The following DMD variants were observed in gnomAD, a reference collection of about 807,000 sequenced individuals.
The protein encoded by DMD is dystrophin.
In DMD, 63 loss-of-function variants were observed where a neutral mutation model predicts 330.1. The ratio of observed to expected loss-of-function variants is 0.19; its 90% CI spans 0.16 to 0.24. The LOEUF is 0.24. DMD is among the 10% of genes least tolerant of loss of function. The pLI, the probability that DMD is intolerant of heterozygous loss-of-function variation, is 1.00. For synonymous variants in DMD, 1,223 were observed against 959.8 expected (o/e 1.27, Z -5.07); for missense variants, 3,344 against 2,684.1 (o/e 1.25, Z -5.43).
At chrX:33,033,649 C>T (rs183132599) in intron 1 of DMD, among the ~76,000 whole-genome samples, 76 of 108,755 alleles carry the variant, frequency 7.0e-4, no homozygotes, top group African/African-American at 2.4e-3. Context: ...ACCCGGGAGG[C>T]GGAGCTTGCA....
chrX:31,783,225 T>C (rs2091115708), intron 50 of DMD, among the ~76,000 whole-genome samples: 1 of 111,803 alleles, frequency 8.9e-6, no homozygotes, highest in Non-Finnish European at 1.9e-5. Context: ...TTAAATAATT[T>C]ATTCTGATTT....
chrX:32,887,754 A>AAAAAG, intron 2 of DMD, among the ~76,000 whole-genome samples: 1 of 94,083 alleles, frequency 1.1e-5, no homozygotes, highest in African/African-American at 4.2e-5. Context: ...TCAAAAAAAA[A>AAAAAG]AAAAAAAAAA....
chrX:32,707,804 C>A (rs747655598), intron 7 of DMD, among the ~76,000 whole-genome samples: 1 of 112,019 alleles, frequency 8.9e-6, no homozygotes, highest in East Asian at 2.8e-4. Context: ...GCATGGGAGA[C>A]TACAGATAGA....
At chrX:33,179,613 G>C (rs1603392079) in intron 1 of DMD, among the ~76,000 whole-genome samples, 2 of 107,418 alleles carry the variant, frequency 1.9e-5, no homozygotes, top group African/African-American at 6.8e-5. Flanking sequence ...AGAATGGCGT[G>C]AACCTGGGAG....
intron 67 of DMD, among the ~76,000 whole-genome samples, chrX:31,196,891 C>T (rs1376474348): frequency 3.0e-5 from 3 of 99,389 alleles, no homozygotes; most frequent in Non-Finnish European, 6.0e-5. Context: ...CCGGGGAATG[C>T]TGTCTAACCA....
chrX:31,421,898 TATACACACAC>T (rs1373549586), intron 60 of DMD, among the ~76,000 whole-genome samples: 7 of 79,525 alleles, frequency 8.8e-5, no homozygotes, highest in African/African-American at 4.7e-4. Context: ...TATATATATA[TATACACACAC>T]ACACACATAT....
At chrX:33,276,869 C>T (rs777370545) in intron 1 of DMD, among the ~76,000 whole-genome samples, 10 of 111,870 alleles carry the variant, frequency 8.9e-5, no homozygotes, top group East Asian at 2.8e-4. Flanking sequence ...GCACCCTTCA[C>T]GGAGGCTCAC....
chrX:31,919,446 G>C (rs1314934626), intron 47 of DMD, among the ~76,000 whole-genome samples: 2 of 112,168 alleles, frequency 1.8e-5, no homozygotes, highest in African/African-American at 6.5e-5. Context: ...ATCAGTCACA[G>C]GTTGCCTGCA....
At chrX:31,144,237 A>C (rs2036418997) in intron 76 of DMD, among the ~76,000 whole-genome samples, 1 of 111,342 alleles carries the variant, frequency 9.0e-6, no homozygotes, top group Admixed American at 9.6e-5. Flanking sequence ...TCATCTCCTC[A>C]GAGCCCTCGT....
intron 44 of DMD, among the ~76,000 whole-genome samples, chrX:31,989,427 C>T (rs1424320526): frequency 9.0e-6 from 1 of 111,672 alleles, no homozygotes; most frequent in Non-Finnish European, 1.9e-5. Context: ...GCAAAATGTT[C>T]TTAAAGCAAA....
intron 1 of DMD, among the ~76,000 whole-genome samples, chrX:33,228,417 C>T (rs1016601982): frequency 1.0e-4 from 11 of 108,296 alleles, no homozygotes; most frequent in African/African-American, 3.7e-4. Flanking sequence ...TGAGGTAATA[C>T]CTTCAGGAAC....
intron 44 of DMD, among the ~76,000 whole-genome samples, chrX:32,020,673 C>T (rs1426014901): frequency 1.8e-5 from 2 of 112,129 alleles, no homozygotes; most frequent in Non-Finnish European, 3.8e-5. Context: ...TAATCTTAGA[C>T]GTTCAACTTC....
intron 62 of DMD, among the ~76,000 whole-genome samples, chrX:31,313,944 C>G (rs1601799137): frequency 1.8e-5 from 2 of 110,621 alleles, no homozygotes; most frequent in Admixed American, 1.9e-4. Context: ...AGGGATTCCC[C>G]TGCCCCAGCC....
chrX:31,278,002 T>C (rs1364141962), intron 62 of DMD, among the ~76,000 whole-genome samples: 2 of 73,794 alleles, frequency 2.7e-5, no homozygotes, highest in African/African-American at 5.5e-5. Context: ...GTATCTAAAA[T>C]AGAAGTTGAA....
chrX:33,328,918 TA>T (rs1569134666), intron 1 of DMD, among the ~76,000 whole-genome samples: 1 of 111,694 alleles, frequency 9.0e-6, no homozygotes, highest in East Asian at 2.8e-4. Flanking sequence ...TTGCAACACA[TA>T]CAATAAATGT....
At chrX:31,561,935 T>A (rs754389523) in intron 55 of DMD, among the ~76,000 whole-genome samples, 1 of 112,601 alleles carries the variant, frequency 8.9e-6, no homozygotes, top group Non-Finnish European at 1.9e-5. Flanking sequence ...ACTTGATACA[T>A]TATTTGTTCC....
rs190673071 is a variant in DMD, at chrX:31,999,910, G to T, written c.6439-31396C>A. ...TCAGAACCAAGTTACTTTTCAACTG[G>T]TCTCTCCCCAGGATGTGTTCCTATT... On this transcript the variant is annotated intron_variant, in intron 44 of 78. Coordinates refer to ENST00000357033, the MANE Select transcript of DMD (RefSeq NM_004006.3). 5.4e-5 allele frequency among the ~76,000 whole-genome samples: 6 copies of T among 112,070 alleles called. No homozygotes were observed. The Admixed American group carries it at 5.7e-4, about 11-fold the overall frequency.
At chrX:32,731,068 C>A (rs1019606507) in intron 7 of DMD, among the ~76,000 whole-genome samples, 4 of 111,674 alleles carry the variant, frequency 3.6e-5, no homozygotes, top group African/African-American at 9.8e-5. Context: ...CGTGCGCGAC[C>A]CGAAGCAGGG....
intron 2 of DMD, among the ~76,000 whole-genome samples, chrX:32,874,438 T>G (rs5928098): frequency 0.3 from 33,516 of 110,573 alleles, 3,666 homozygotes; most frequent in South Asian, 0.41. Flanking sequence ...ACTGCCAGTT[T>G]TCTCTCTCGC....
Sources: gnomAD v4.1 joint callset for allele counts (sites outside exome capture counted in the v4.1 genomes callset) on GRCh38, gnomAD v4.1.1 for gene constraint, MANE v1.5 for transcripts, NCBI Gene and HGNC (gene_info 2026-07-23, HGNC 2026-07-21) for gene names.